Variants in PLXNA4 observed in about 807,000 individuals in gnomAD.
The protein encoded by PLXNA4 is plexin A4.
In PLXNA4, 44 loss-of-function variants were observed where a neutral mutation model predicts 191.8. The observed-to-expected ratio is 0.23, with a 90% CI of 0.18 to 0.29. The LOEUF (loss-of-function observed/expected upper bound fraction) is 0.29. PLXNA4 is among the 10% of genes least tolerant of loss of function. PLXNA4 has a pLI of 1.00. For synonymous variants in PLXNA4, 1,082 were observed against 1,009.5 expected, an observed-to-expected ratio of 1.07 and a Z score of -1.36; for missense variants, 1,800 against 2,488.8, an observed-to-expected ratio of 0.72 and a Z score of 5.89.
intron 14 of PLXNA4, among the ~76,000 whole-genome samples, chr7:132,193,512 G>C (rs1797158188): frequency 6.6e-6 from 1 of 152,186 alleles, no homozygotes; most frequent in South Asian, 2.1e-4. Context: ...AAGTGTGCAG[G>C]GACAGGCCAG....
chr7:132,194,245 G>A (rs1442602325), intron 13 of PLXNA4, 66 bp from the exon 14 acceptor site: 1 of 1,539,404 alleles, frequency 6.5e-7, no homozygotes, highest in South Asian at 1.2e-5. Context: ...GCACCCCACA[G>A]CACCTACCCA....
At chr7:132,142,307 T>C (rs1201303738) in intron 29 of PLXNA4, among the ~76,000 whole-genome samples, 1 of 152,144 alleles carries the variant, frequency 6.6e-6, no homozygotes, top group East Asian at 1.9e-4. Context: ...TTCTTTCCTC[T>C]GCTCCCACCT....
chr7:132,578,952 C>G (rs1033394506), upstream of PLXNA4, among the ~76,000 whole-genome samples: 3 of 152,190 alleles, frequency 2.0e-5, no homozygotes, highest in Admixed American at 1.3e-4. Context: ...CAAAATCACT[C>G]AATGCTACTG....
intron 1 of PLXNA4, among the ~76,000 whole-genome samples, chr7:132,563,402 C>T (rs1189088336): frequency 9.7e-6 from 1 of 103,542 alleles, no homozygotes; most frequent in East Asian, 3.3e-4. Context: ...CTTTCTCCTC[C>T]TCCTCCTCTC....
At chr7:132,616,699 T>C (rs780339016) in intron 2 of PLXNA4, among the ~76,000 whole-genome samples, 120 of 152,150 alleles carry the variant, frequency 7.9e-4, no homozygotes, top group Non-Finnish European at 1.4e-3. Context: ...AGAATAAATA[T>C]AACTCAACAT....
chr7:132,181,910 C>A (rs538135332), intron 17 of PLXNA4, among the ~76,000 whole-genome samples, 187 bp downstream of exon 17: 4 of 152,262 alleles, frequency 2.6e-5, no homozygotes, highest in South Asian at 4.1e-4. Flanking sequence ...ATGTCTATAC[C>A]CCAAGAAGTA....
chr7:132,587,112 C>T (rs1157970652), intron 2 of PLXNA4, among the ~76,000 whole-genome samples: 1 of 136,894 alleles, frequency 7.3e-6, no homozygotes, highest in Non-Finnish European at 1.6e-5. Flanking sequence ...AGCTCAAGGC[C>T]CCACACTTTC....
At chr7:132,381,919 G>C (rs907548832) in intron 3 of PLXNA4, among the ~76,000 whole-genome samples, 9 of 152,170 alleles carry the variant, frequency 5.9e-5, no homozygotes, top group African/African-American at 2.2e-4. Context: ...ACCCCCGCAG[G>C]CTTCCTGATG....
At chr7:132,189,450 T>A (rs1797020140) in intron 14 of PLXNA4, among the ~76,000 whole-genome samples, 1 of 152,168 alleles carries the variant, frequency 6.6e-6, no homozygotes, top group Non-Finnish European at 1.5e-5. Flanking sequence ...GAACAGCTAG[T>A]GACAGCCCAG....
In PLXNA4 at chr7:132,228,352, G is replaced by T. The variant is rs759386370; in HGVS notation, c.1722C>A (p.Asn574Lys). The T allele has an allele frequency of 6.2e-7, 1 of 1,614,024 alleles. No individual in the cohort carries two copies. Reference protein sequence around the residue: ...HPNNISVSQYNVLLVLETYNV... With the variant: ...HPNNISVSQYKVLLVLETYNV... ...CAACCCCCACGACCCTTACCAGCACGTTGTACTGAGAGACGGAGATATTGT... is the reference window on the plus strand; with the variant it reads ...CAACCCCCACGACCCTTACCAGCACTTTGTACTGAGAGACGGAGATATTGT... The change falls in exon 6 of 32, where the codon AAC becomes AAA. Residue 574 changes from asparagine (N) to lysine (K), a missense_variant. By Grantham distance (94) the Asn-to-Lys change is moderately conservative. Transcript: ENST00000321063.
chr7:132,265,913 A>G (rs1453021550), intron 4 of PLXNA4, among the ~76,000 whole-genome samples: 3 of 152,234 alleles, frequency 2.0e-5, no homozygotes, highest in African/African-American at 7.2e-5. Context: ...ATGGAGGTGC[A>G]CACAGGTCCT....
At chr7:132,317,874 G>C (rs997252620) in intron 3 of PLXNA4, among the ~76,000 whole-genome samples, 2 of 152,206 alleles carry the variant, frequency 1.3e-5, no homozygotes, top group Non-Finnish European at 2.9e-5. Context: ...TCAGAAATGG[G>C]TAGGGAAGAA....
intron 9 of PLXNA4, among the ~76,000 whole-genome samples, chr7:132,216,283 T>A (rs1433753449): frequency 6.6e-6 from 1 of 152,222 alleles, no homozygotes; most frequent in Non-Finnish European, 1.5e-5. Flanking sequence ...TATTAATAGC[T>A]GATAATCTGG....
At chr7:132,443,052 C>G (rs1305278001) in intron 3 of PLXNA4, among the ~76,000 whole-genome samples, 1 of 152,172 alleles carries the variant, frequency 6.6e-6, no homozygotes, top group Non-Finnish European at 1.5e-5. Context: ...GGAGACCAAC[C>G]AACCGAAGCC....
At chr7:132,470,285 A>T (rs156934) in intron 3 of PLXNA4, among the ~76,000 whole-genome samples, 11 of 152,200 alleles carry the variant, frequency 7.2e-5, no homozygotes, top group Non-Finnish European at 1.2e-4. Context: ...TCCTCACCCC[A>T]TCTGGCTTGG....
chr7:132,281,811 GATTA>G (rs1800487284), intron 4 of PLXNA4, among the ~76,000 whole-genome samples: 1 of 152,194 alleles, frequency 6.6e-6, no homozygotes, highest in Non-Finnish European at 1.5e-5. Context: ...AAAGAAAAAT[GATTA>G]ATTATGTTTC....
chr7:132,164,423 C>G (rs1796039343), intron 23 of PLXNA4, 135 bp from the exon 24 acceptor site: 1 of 1,317,786 alleles, frequency 7.6e-7, no homozygotes, highest in Admixed American at 2.6e-5. Context: ...TTATACTCAG[C>G]TCTTCAATCT....
At chr7:132,443,612 G>A (rs550323766) in intron 3 of PLXNA4, among the ~76,000 whole-genome samples, 10 of 152,298 alleles carry the variant, frequency 6.6e-5, no homozygotes, top group African/African-American at 9.6e-5. Context: ...GCGCGTGGTC[G>A]TGACCATGTT....
At chr7:132,472,634 C>T (rs1796971754) in intron 3 of PLXNA4, among the ~76,000 whole-genome samples, 1 of 152,204 alleles carries the variant, frequency 6.6e-6, no homozygotes, top group African/African-American at 2.4e-5. Context: ...TCAGCAGAGA[C>T]AAATTTAGCA....
Sources: gnomAD v4.1 joint callset for allele counts (sites outside exome capture counted in the v4.1 genomes callset) on GRCh38, gnomAD v4.1.1 for gene constraint, MANE v1.5 for transcripts, NCBI Gene and HGNC (gene_info 2026-07-23, HGNC 2026-07-21) for gene names.